Variants in RALGAPA1 observed in about 807,000 individuals in gnomAD.
The protein encoded by RALGAPA1 is Ral GTPase activating protein catalytic subunit alpha 1.
RALGAPA1 carries 52 observed loss-of-function variants against 269.6 expected under a neutral mutation model. The ratio of observed to expected loss-of-function variants is 0.19; its 90% CI spans 0.15 to 0.24. The LOEUF is 0.24. Among genes scored for constraint, RALGAPA1 ranks in the 10% least tolerant of loss-of-function variants. The probability of loss-of-function intolerance (pLI) is 1.00; values close to 1 mark genes in which losing one functional copy is unlikely to be tolerated. For missense variants in RALGAPA1, 1,917 were observed against 3,013.9 expected (o/e 0.64, Z 8.52); for synonymous variants, 817 against 1,008.3 (o/e 0.81, Z 3.60).
chr14:35,607,865 A>C (rs141334993), intron 35 of RALGAPA1, among the ~76,000 whole-genome samples: 2,100 of 152,304 alleles, frequency 0.014, 53 homozygotes, highest in African/African-American at 0.047. Context: ...TGGGGATCAC[A>C]GTCAATTTTG....
chr14:35,795,919 G>C (rs1450701773), intron 1 of RALGAPA1, among the ~76,000 whole-genome samples: 1 of 151,800 alleles, frequency 6.6e-6, no homozygotes, highest in African/African-American at 2.4e-5. Flanking sequence ...AGGAGGTTGT[G>C]ACAGACTGAG....
chr14:35,681,905 G>A (rs939572938), intron 21 of RALGAPA1, among the ~76,000 whole-genome samples: 2 of 152,032 alleles, frequency 1.3e-5, no homozygotes, highest in Non-Finnish European at 2.9e-5. Flanking sequence ...GTATAATTAT[G>A]GAGTATTTTG....
At chr14:35,544,413 C>G (rs1287927990) in intron 41 of RALGAPA1, among the ~76,000 whole-genome samples, 1 of 152,210 alleles carries the variant, frequency 6.6e-6, no homozygotes, top group Non-Finnish European at 1.5e-5. Flanking sequence ...GGTTGAAATA[C>G]TAGCTTGACA....
chr14:35,655,384 T>G (rs2063110866), intron 29 of RALGAPA1, among the ~76,000 whole-genome samples: 1 of 151,982 alleles, frequency 6.6e-6, no homozygotes, highest in Non-Finnish European at 1.5e-5. Flanking sequence ...AAATCTTGTC[T>G]GTCTACAAAG....
chr14:35,782,437 C>CT (rs934996468), intron 1 of RALGAPA1, among the ~76,000 whole-genome samples: 79 of 151,672 alleles, frequency 5.2e-4, no homozygotes, highest in African/African-American at 1.8e-3. Context: ...TCTATTTTTT[C>CT]TTTTTTTTGA....
chr14:35,782,736 T>G (rs1039508719), intron 1 of RALGAPA1, among the ~76,000 whole-genome samples: 4 of 151,588 alleles, frequency 2.6e-5, no homozygotes, highest in African/African-American at 9.7e-5. Context: ...AATGTACTCT[T>G]TACCAAAATC....
At chr14:35,715,415 C>T (rs2068727831) in intron 16 of RALGAPA1, among the ~76,000 whole-genome samples, 1 of 151,828 alleles carries the variant, frequency 6.6e-6, no homozygotes, top group Non-Finnish European at 1.5e-5. Flanking sequence ...ATGAGCTTAT[C>T]ATTTTCCTCT....
chr14:35,551,268 G>C (rs2054979742), intron 39 of RALGAPA1, among the ~76,000 whole-genome samples: 1 of 152,186 alleles, frequency 6.6e-6, no homozygotes, highest in South Asian at 2.1e-4. Flanking sequence ...GAAGAGGCAA[G>C]AGGTAGAAAA....
intron 41 of RALGAPA1, chr14:35,541,667 G>A (rs1177115139): frequency 8.8e-6 from 4 of 454,520 alleles, no homozygotes; most frequent in Non-Finnish European, 1.3e-5. Context: ...GTGAAGAGCA[G>A]TAGTAGCTCA....
chr14:35,768,784 G>A (rs1024578970), intron 4 of RALGAPA1, among the ~76,000 whole-genome samples: 16 of 151,622 alleles, frequency 1.1e-4, no homozygotes, highest in East Asian at 1.9e-4. Context: ...CGAGGTGGGC[G>A]GATCACCCGA....
intron 6 of RALGAPA1, among the ~76,000 whole-genome samples, chr14:35,758,243 CAA>C (rs66473514): frequency 2.0e-3 from 99 of 49,742 alleles, no homozygotes; most frequent in African/African-American, 6.3e-3. Context: ...GACTCTGTCT[CAA>C]AAAAAAAAAA....
In RALGAPA1 at chr14:35,716,397, C is replaced by CAAA. The variant is rs78953823; in HGVS notation, c.2266+5288_2266+5290dup. The stretch of plus-strand genomic sequence containing the variant: ...TGGGTGACAGAGTGAGACTCCGTCT[C>CAAA]AAAAAAAAAAAAAAAAAAAAAAAGA... On this transcript the variant is annotated intron_variant, in intron 16 of 41. Transcript: ENST00000680220. 2.0e-3 allele frequency among the ~76,000 whole-genome samples: 88 copies of CAAA among 44,384 alleles called. 2 individuals are homozygous for CAAA. Among genetic ancestry groups the CAAA allele is most frequent in the South Asian group, 0.011 (12 of 1,070 alleles). The allele number at this position is 44,384 out of a possible 152,430, so 29.1% of individuals were successfully genotyped here.
At chr14:35,702,394 T>C (rs2067427463) in intron 16 of RALGAPA1, among the ~76,000 whole-genome samples, 1 of 152,214 alleles carries the variant, frequency 6.6e-6, no homozygotes, top group South Asian at 2.1e-4. Context: ...TATAGAAGCA[T>C]GGAATATGCT....
chr14:35,679,407 A>G (rs10132539), intron 21 of RALGAPA1, among the ~76,000 whole-genome samples: 19,791 of 152,200 alleles, frequency 0.13, 2,217 homozygotes, highest in East Asian at 0.37. Context: ...GTAAGTCAAA[A>G]TTGTACCTAA....
chr14:35,679,680 A>G (rs2065247251), intron 21 of RALGAPA1, among the ~76,000 whole-genome samples: 1 of 152,034 alleles, frequency 6.6e-6, no homozygotes, highest in Non-Finnish European at 1.5e-5. Context: ...GTTGTTAATT[A>G]TAGTAAGTCA....
At chr14:35,564,106 T>G (rs2056504219) in intron 39 of RALGAPA1, among the ~76,000 whole-genome samples, 1 of 152,330 alleles carries the variant, frequency 6.6e-6, no homozygotes, top group African/African-American at 2.4e-5. Context: ...AACTCCCATG[T>G]AGCTACCATT....
At chr14:35,803,252 A>G (rs573073919) in intron 1 of RALGAPA1, among the ~76,000 whole-genome samples, 1 of 152,332 alleles carries the variant, frequency 6.6e-6, no homozygotes, top group East Asian at 1.9e-4. Flanking sequence ...CAGTAAAGAT[A>G]GCCTTTTTCA....
At chr14:35,767,039 C>T (rs141890886) in intron 4 of RALGAPA1, 83 of 355,222 alleles carry the variant, frequency 2.3e-4, no homozygotes, top group African/African-American at 1.8e-3. Context: ...TGTTATTCAA[C>T]TTCAAGAACT....
chr14:35,775,100 C>T, intron 2 of RALGAPA1, 45 bp from the exon 3 acceptor site: 7 of 1,079,046 alleles, frequency 6.5e-6, no homozygotes, highest in Non-Finnish European at 9.7e-6. Context: ...ATCATTTTGT[C>T]CTCATAATGA....
Sources: gnomAD v4.1 joint callset for allele counts (sites outside exome capture counted in the v4.1 genomes callset) on GRCh38, gnomAD v4.1.1 for gene constraint, MANE v1.5 for transcripts, NCBI Gene and HGNC (gene_info 2026-07-23, HGNC 2026-07-21) for gene names.